Variants in DCAF1 observed in about 807,000 individuals in gnomAD.
The protein encoded by DCAF1 is DDB1 and CUL4 associated factor 1, also known as DDB1- and CUL4-associated factor 1.
DCAF1 carries 15 observed loss-of-function variants against 128.0 expected under a neutral mutation model. That is an observed-to-expected ratio of 0.12 (90% CI 0.08 to 0.18). The LOEUF is 0.18. DCAF1 is among the 10% of genes least tolerant of loss of function. The pLI, the probability that DCAF1 is intolerant of heterozygous loss-of-function variation, is 1.00. For missense variants in DCAF1, 988 were observed against 1,649.5 expected (o/e 0.60, Z 6.95); for synonymous variants, 610 against 603.0 (o/e 1.01, Z -0.17).
At chr3:51,442,013 G>A (rs1553638964) in intron 7 of DCAF1, 116 bp from the exon 8 acceptor site, 3 of 1,349,980 alleles carry the variant, frequency 2.2e-6, no homozygotes, top group African/African-American at 1.5e-5. Flanking sequence ...CCCAACGCCT[G>A]TAATAGCAAC....
At chr3:51,446,149 C>A (rs563969375) in intron 6 of DCAF1, among the ~76,000 whole-genome samples, 2 of 152,000 alleles carry the variant, frequency 1.3e-5, no homozygotes, top group African/African-American at 4.8e-5. Flanking sequence ...GCACACCAAC[C>A]ACACCCAGCT....
At chr3:51,414,478 C>G in intron 19 of DCAF1, 146 bp downstream of exon 19, 1 of 1,214,204 alleles carries the variant, frequency 8.2e-7, no homozygotes, top group Non-Finnish European at 1.1e-6. Context: ...TTGGAGATTT[C>G]ACTAACATTT....
chr3:51,418,274 T>C, intron 16 of DCAF1, 76 bp from the exon 17 acceptor site: 1 of 1,516,432 alleles, frequency 6.6e-7, no homozygotes. Context: ...ATTAGCATTT[T>C]TAAAGATTTG....
At chr3:51,453,127 A>C (rs1326408540) in intron 6 of DCAF1, among the ~76,000 whole-genome samples, 3 of 152,150 alleles carry the variant, frequency 2.0e-5, no homozygotes, top group Admixed American at 2.0e-4. Flanking sequence ...AAAATTTTTT[A>C]CAAAGACAGA....
intron 13 of DCAF1, among the ~76,000 whole-genome samples, chr3:51,423,876 G>T (rs1400353509): frequency 4.6e-5 from 7 of 150,932 alleles, no homozygotes; most frequent in African/African-American, 1.7e-4. Flanking sequence ...GTATTAAGAT[G>T]TTCATTAGCC....
chr3:51,414,137 C>T lies in DCAF1; in HGVS notation c.3838-94G>A, dbSNP rs1051746316. 8.4e-5 allele frequency: 120 copies of T among 1,425,152 alleles called. No individual in the cohort carries two copies. The African/African-American group carries it at 1.6e-3, about 19-fold the overall frequency. 88.3% of individuals were successfully genotyped at this position (1,425,152 alleles called of 1,614,324 possible). ...AAAATATCACTTTTTTTCCTCCTGC[C>T]AGGTATTGATACTTTAAAAGTCAAT... is the stretch of plus-strand genomic sequence containing the variant. On this transcript the variant is annotated intron_variant, in intron 19 of 24. Transcript: ENST00000684031.
At chr3:51,466,401 TA>T (rs1295754197) in intron 5 of DCAF1, among the ~76,000 whole-genome samples, 1 of 152,104 alleles carries the variant, frequency 6.6e-6, no homozygotes, top group African/African-American at 2.4e-5. Context: ...AGGAGCTGAG[TA>T]AAATATGTAT....
chr3:51,425,872 C>T (rs1344728399), intron 13 of DCAF1, among the ~76,000 whole-genome samples: 2 of 151,974 alleles, frequency 1.3e-5, no homozygotes, highest in Non-Finnish European at 1.5e-5. Flanking sequence ...CCTATCATCA[C>T]TTTTTAAACA....
At chr3:51,408,635 G>A (rs1366510601) in intron 23 of DCAF1, among the ~76,000 whole-genome samples, 4 of 152,176 alleles carry the variant, frequency 2.6e-5, no homozygotes, top group African/African-American at 9.6e-5. Flanking sequence ...GATGGAGATA[G>A]TAAAAACAGC....
chr3:51,485,091 T>TCC (rs1553654790), intron 2 of DCAF1, among the ~76,000 whole-genome samples: 2 of 152,074 alleles, frequency 1.3e-5, no homozygotes, highest in Non-Finnish European at 2.9e-5. Flanking sequence ...AATTTTTGTA[T>TCC]TTTAGTAGAA....
chr3:51,404,949 A>AT (rs782107633), intron 23 of DCAF1, among the ~76,000 whole-genome samples: 70 of 152,352 alleles, frequency 4.6e-4, no homozygotes, highest in Non-Finnish European at 7.9e-4. Flanking sequence ...ACATAAGCTC[A>AT]TACAAATAAC....
At chr3:51,434,833 T>C in intron 9 of DCAF1, among the ~76,000 whole-genome samples, 1 of 152,104 alleles carries the variant, frequency 6.6e-6, no homozygotes, top group East Asian at 1.9e-4. Flanking sequence ...CACAATGTTA[T>C]GGGCAAAGAG....
At chr3:51,496,640 CAT>C (rs1315255257) in intron 2 of DCAF1, among the ~76,000 whole-genome samples, 92 bp downstream of exon 2, 2 of 151,860 alleles carry the variant, frequency 1.3e-5, no homozygotes, top group Admixed American at 6.6e-5. Flanking sequence ...CTTTTTCACA[CAT>C]GAGGAAACTA....
chr3:51,406,943 C>T (rs2090156894), intron 23 of DCAF1, among the ~76,000 whole-genome samples: 1 of 152,200 alleles, frequency 6.6e-6, no homozygotes, highest in Non-Finnish European at 1.5e-5. Context: ...CCTGTAATCC[C>T]AGCACTTTGG....
rs1280137369 is a variant in DCAF1, at chr3:51,420,522, C to T, written c.2448G>A (p.Val816=). 45 of 1,613,958 alleles carry T rather than the reference C, an allele frequency of 2.8e-5. No homozygotes were observed. The highest frequency in any genetic ancestry group is 3.7e-5 in the Non-Finnish European group (44 of 1,179,886). ...TGCCAATGAGAAGTGGTTTTCCTGA[C>T]ACCCGTTCAATGAGTTCAGCAGCAT... The part of the protein sequence containing the change: ...CKYAAELIER[V]SGKPLLIGTD... The change falls in exon 15 of 25, where the codon GTG becomes GTA. Residue 816 remains valine, a synonymous_variant. Transcript: ENST00000684031. This position sits in a 1 kb window ranked among gnomAD's most constrained non-coding sequence, Gnocchi z 6.5.
chr3:51,504,916 C>T (rs1708905015), upstream of DCAF1, among the ~76,000 whole-genome samples: 1 of 151,782 alleles, frequency 6.6e-6, no homozygotes, highest in Admixed American at 6.6e-5. Flanking sequence ...AGTTCAAGAC[C>T]AACCTGGGCA....
chr3:51,406,515 A>T (rs2090124482), intron 23 of DCAF1, among the ~76,000 whole-genome samples: 1 of 152,044 alleles, frequency 6.6e-6, no homozygotes, highest in Admixed American at 6.6e-5. Context: ...AGGTACTAAT[A>T]AATTTCTCTA....
Position 51,418,723 on chromosome 3 carries a change from G to A in DCAF1, c.3390C>T (p.Ser1130=). 1 of 1,613,862 alleles carries A rather than the reference G, an allele frequency of 6.2e-7. No homozygotes were observed. The highest frequency in any genetic ancestry group is 1.1e-5 in the South Asian group (1 of 91,078). ...TGATGGCTGAGTTGTGACAGTTATA[G>A]CTGGCCTCCTCCTGTCCACTAAACA... ...YNVFSGQEEA[S]YNCHNSAITH... The change falls in exon 16 of 25, where the codon AGC becomes AGT. Residue 1130 remains serine (S), a synonymous_variant. Coordinates refer to ENST00000684031, the MANE Select transcript of DCAF1 (RefSeq NM_001387579.1).
chr3:51,485,224 C>A (rs536081017), intron 2 of DCAF1, among the ~76,000 whole-genome samples: 1 of 152,236 alleles, frequency 6.6e-6, no homozygotes, highest in East Asian at 1.9e-4. Context: ...TCTGTTAATT[C>A]TTAAAGAGAA....
Sources: gnomAD v4.1 joint callset for allele counts (sites outside exome capture counted in the v4.1 genomes callset) on GRCh38, gnomAD v4.1.1 for gene constraint, Gnocchi (gnomAD v3.1) non-coding constraint, MANE v1.5 for transcripts, NCBI Gene and HGNC (gene_info 2026-07-23, HGNC 2026-07-21) for gene names.